SLC39A9: variants seen among roughly 807,000 people sequenced by gnomAD.
The protein encoded by SLC39A9 is zinc transporter ZIP9.
SLC39A9 carries 14 observed loss-of-function variants against 28.4 expected under a neutral mutation model. That is an observed-to-expected ratio of 0.49 (90% CI 0.33 to 0.77). SLC39A9 has a LOEUF of 0.77. Among genes scored for constraint, SLC39A9 ranks in the 30% least tolerant of loss-of-function variants. SLC39A9 has a pLI of 0.02. For missense variants in SLC39A9, 283 were observed against 381.1 expected (o/e 0.74, Z 2.14); for synonymous variants, 119 against 149.6 (o/e 0.80, Z 1.49).
chr14:69,401,037 T>C (rs923483671), intron 1 of SLC39A9, among the ~76,000 whole-genome samples: 5 of 151,216 alleles, frequency 3.3e-5, no homozygotes, highest in Non-Finnish European at 7.4e-5. Flanking sequence ...AAACGGAGAC[T>C]GGATAGGTTC....
intron 1 of SLC39A9, among the ~76,000 whole-genome samples, chr14:69,412,078 G>C (rs1883298697): frequency 6.6e-6 from 1 of 151,138 alleles, no homozygotes; most frequent in South Asian, 2.1e-4. Context: ...ACCGCACCCA[G>C]CCTATGGCCC....
chr14:69,459,486 A>G lies in SLC39A9; in HGVS notation c.*893A>G. The G allele has an allele frequency of 1.0e-6, 1 of 984,422 alleles. No individual in the cohort carries two copies. The highest frequency in any genetic ancestry group is 1.2e-6 in the Non-Finnish European group (1 of 829,262). The allele number at this position is 984,422 out of a possible 1,614,324, so 61.0% of individuals were successfully genotyped here. ...ATATTAAATTTTAAGTGATTTTTGGATGGTTATTGATATCTTTGTAGTAGC... is the reference window on the plus strand; with the variant it reads ...ATATTAAATTTTAAGTGATTTTTGGGTGGTTATTGATATCTTTGTAGTAGC... On this transcript the variant is annotated 3_prime_UTR_variant, in exon 7 of 7. Coordinates refer to ENST00000336643, the MANE Select transcript of SLC39A9 (RefSeq NM_018375.5).
intron 1 of SLC39A9, among the ~76,000 whole-genome samples, chr14:69,408,991 T>A (rs1883093985): frequency 6.6e-6 from 1 of 152,190 alleles, no homozygotes; most frequent in Non-Finnish European, 1.5e-5. Flanking sequence ...AACAGTAACC[T>A]TGAAAGGGAA....
chr14:69,455,652 A>G (rs1885821728), intron 5 of SLC39A9, 80 bp from the exon 6 acceptor site: 1 of 1,553,286 alleles, frequency 6.4e-7, no homozygotes, highest in Non-Finnish European at 8.8e-7. Flanking sequence ...GAGAAATCAT[A>G]GTCAAATGGC....
intron 2 of SLC39A9, 136 bp from the exon 3 acceptor site, chr14:69,441,933 G>T: frequency 7.0e-7 from 1 of 1,421,440 alleles, no homozygotes; most frequent in Non-Finnish European, 9.1e-7. Flanking sequence ...TTAATGATTG[G>T]CTGGATTACA....
intron 2 of SLC39A9, among the ~76,000 whole-genome samples, chr14:69,435,675 A>C (rs1594932831): frequency 6.6e-6 from 1 of 150,912 alleles, no homozygotes; most frequent in African/African-American, 2.4e-5. Flanking sequence ...CCAGTCTACT[A>C]TTTTCTTTTT....
chr14:69,419,825 CT>C (rs1006981254), intron 1 of SLC39A9, among the ~76,000 whole-genome samples: 1 of 151,860 alleles, frequency 6.6e-6, no homozygotes, highest in African/African-American at 2.4e-5. Flanking sequence ...GCAACCCCTG[CT>C]TTTTTTTGCT....
chr14:69,412,174 G>A (rs1182781563), intron 1 of SLC39A9, among the ~76,000 whole-genome samples: 1 of 151,580 alleles, frequency 6.6e-6, no homozygotes. Flanking sequence ...TGGATCACGA[G>A]GTCAGGAGAT....
chr14:69,447,237 C>T (rs923269615), intron 3 of SLC39A9, among the ~76,000 whole-genome samples: 4 of 152,110 alleles, frequency 2.6e-5, no homozygotes, highest in African/African-American at 2.4e-5. Context: ...TTGATATGAC[C>T]AAGTAAGCTC....
At position 69,459,236 on chromosome 14, in the gene SLC39A9, G is replaced by T; in HGVS notation, c.*643G>T. 9 of 985,434 alleles carry T rather than the reference G, an allele frequency of 9.1e-6. No homozygotes were observed. Among genetic ancestry groups the T allele is most frequent in the Non-Finnish European group, 1.1e-5 (9 of 829,940 alleles). 61.0% of individuals were successfully genotyped at this position (985,434 alleles called of 1,614,324 possible). A position where few individuals can be genotyped will look rare whatever the true frequency, so the allele number is the denominator to read the frequency against. On this transcript the variant is annotated 3_prime_UTR_variant, in exon 7 of 7. Coordinates refer to ENST00000336643, the MANE Select transcript of SLC39A9 (RefSeq NM_018375.5). ...CTAGAGGGATTTAAACAGCTCCTTT[G>T]GCACGTGCCTCTCTGAATCCAGCCT...
intron 1 of SLC39A9, among the ~76,000 whole-genome samples, chr14:69,402,820 G>T (rs1276518023): frequency 1.3e-5 from 2 of 152,150 alleles, no homozygotes; most frequent in Non-Finnish European, 2.9e-5. Context: ...AGTGGCTCAC[G>T]CCTGTAATCC....
At position 69,461,718 on chromosome 14, in the gene SLC39A9, C is replaced by G; in HGVS notation, c.*3125C>G. ...CAAGGATTAGAACTAAGAGGACACA[C>G]CAGCATCGGAGTGTATTAAGCCCCT... On this transcript the variant is annotated 3_prime_UTR_variant, in exon 7 of 7. Transcript: ENST00000336643. The G allele has an allele frequency of 6.5e-7, 1 of 1,535,932 alleles. No individual in the cohort carries two copies. Among genetic ancestry groups the G allele is most frequent in the South Asian group, 1.2e-5 (1 of 84,054 alleles).
intron 1 of SLC39A9, among the ~76,000 whole-genome samples, chr14:69,410,991 C>G (rs1158050126): frequency 6.6e-6 from 1 of 152,080 alleles, no homozygotes; most frequent in Non-Finnish European, 1.5e-5. Flanking sequence ...GCTGGTGGAT[C>G]ACTTGAGGTC....
In SLC39A9 at chr14:69,459,366, C is replaced by G. The variant is rs1886014219; in HGVS notation, c.*773C>G. The G allele has an allele frequency of 6.1e-6, 6 of 985,350 alleles. No homozygotes were observed. The highest frequency in any genetic ancestry group is 7.2e-6 in the Non-Finnish European group (6 of 829,922). The allele number at this position is 985,350 out of a possible 1,614,324, so 61.0% of individuals were successfully genotyped here. A position where few individuals can be genotyped will look rare whatever the true frequency, so the allele number is the denominator to read the frequency against. On this transcript the variant is annotated 3_prime_UTR_variant, in exon 7 of 7. Coordinates refer to ENST00000336643, the MANE Select transcript of SLC39A9 (RefSeq NM_018375.5). ...GTTCTCCTTTGCAGAATACCTGTCT[C>G]CACATTCCTAGAGAGGAGCCAAGTT...
At chr14:69,427,040 A>C (rs1594924110) in intron 2 of SLC39A9, among the ~76,000 whole-genome samples, 1 of 140,274 alleles carries the variant, frequency 7.1e-6, no homozygotes, top group African/African-American at 2.7e-5. Flanking sequence ...ACAGGGACTC[A>C]CTCTGTCTCC....
chr14:69,434,177 G>T (rs529304987), intron 2 of SLC39A9, among the ~76,000 whole-genome samples: 1 of 149,772 alleles, frequency 6.7e-6, no homozygotes, highest in Non-Finnish European at 1.5e-5. Context: ...TCCATCTTCC[G>T]GGTTCAAGCA....
At chr14:69,400,427 T>A (rs1882569069) in intron 1 of SLC39A9, among the ~76,000 whole-genome samples, 1 of 152,152 alleles carries the variant, frequency 6.6e-6, no homozygotes, top group Admixed American at 6.5e-5. Context: ...TGCTGATAGG[T>A]CCTTTAGGTA....
chr14:69,454,240 A>G (rs1354389893), intron 4 of SLC39A9, among the ~76,000 whole-genome samples: 1 of 152,190 alleles, frequency 6.6e-6, no homozygotes, highest in East Asian at 1.9e-4. Context: ...TTAAGTAGTA[A>G]TCATCTATAT....
At position 69,412,607 on chromosome 14, in the gene SLC39A9, C is replaced by T. The variant is rs368744130; in HGVS notation, c.97-11487C>T. ...TGTATCAGAGCCCAGTGGCCGGTAC[C>T]AAGTCCCCAGTGCTTTGCTTGGTGG... On this transcript the variant is annotated intron_variant, in intron 1 of 6. Transcript: ENST00000336643. Among the ~76,000 whole-genome samples, 3 of 152,162 alleles carry T rather than the reference C, an allele frequency of 2.0e-5. No homozygotes were observed. The South Asian group carries it at 6.2e-4, about 32-fold the overall frequency.
Sources: allele counts gnomAD v4.1 joint callset (sites outside exome capture counted in the v4.1 genomes callset), GRCh38; gene constraint gnomAD v4.1.1; transcripts MANE v1.5; gene names NCBI Gene and HGNC (gene_info 2026-07-23, HGNC 2026-07-21).